ATXN1: variants seen among roughly 807,000 people sequenced by gnomAD.
The protein encoded by ATXN1 is ataxin-1.
In ATXN1, 8 loss-of-function variants were observed where a neutral mutation model predicts 56.4. The observed-to-expected ratio is 0.14, with a 90% CI of 0.08 to 0.26. The LOEUF (loss-of-function observed/expected upper bound fraction) is 0.26. Among genes scored for constraint, ATXN1 ranks in the 10% least tolerant of loss-of-function variants. ATXN1 has a pLI of 1.00. For synonymous variants in ATXN1, 514 were observed against 494.6 expected, an observed-to-expected ratio of 1.04 and a Z score of -0.52; for missense variants, 987 against 1,106.5, an observed-to-expected ratio of 0.89 and a Z score of 1.53.
At chr6:16,739,836 G>A (rs776597234) in intron 2 of ATXN1, 25 of 456,690 alleles carry the variant, frequency 5.5e-5, no homozygotes, top group South Asian at 1.9e-4. Flanking sequence ...CACTTTGAAC[G>A]GCAAAGACAC....
At chr6:16,435,077 A>C (rs1487997540) in intron 6 of ATXN1, among the ~76,000 whole-genome samples, 1 of 152,172 alleles carries the variant, frequency 6.6e-6, no homozygotes, top group Admixed American at 6.5e-5. Context: ...GAAATGCTTC[A>C]AGGAGGACTT....
chr6:16,567,044 A>G (rs1244491429), intron 4 of ATXN1, among the ~76,000 whole-genome samples: 1 of 152,220 alleles, frequency 6.6e-6, no homozygotes, highest in Non-Finnish European at 1.5e-5. Flanking sequence ...TCTACAGTTC[A>G]TAAAGTGCTT....
chr6:16,687,657 T>TACACACAC (rs57034032), intron 2 of ATXN1, among the ~76,000 whole-genome samples: 16,788 of 143,218 alleles, frequency 0.12, 1,097 homozygotes, highest in Middle Eastern at 0.14. Context: ...AAAGAAGAAA[T>TACACACAC]ACACACACAC....
At chr6:16,667,976 T>G (rs1181710559) in intron 2 of ATXN1, among the ~76,000 whole-genome samples, 1 of 152,216 alleles carries the variant, frequency 6.6e-6, no homozygotes, top group Non-Finnish European at 1.5e-5. Context: ...AAGGTGGGCT[T>G]ACCTATGTGC....
In ATXN1 at chr6:16,300,728, TACAAAC is replaced by T. The variant is rs1760064776; in HGVS notation, c.*5595_*5600del. 6.6e-6 allele frequency: 1 copy of T among 152,610 alleles called. No individual in the cohort carries two copies. 9.5% of individuals were successfully genotyped at this position (152,610 alleles called of 1,614,324 possible). On this transcript the variant is annotated 3_prime_UTR_variant, in exon 8 of 8. Transcript: ENST00000436367. ...TTGATTGGTAGCCTGGATCCCTTGT[TACAAAC>T]ACTTCGTGTTCAAGATTATATTCTT...
intron 4 of ATXN1, among the ~76,000 whole-genome samples, chr6:16,537,131 GATT>G (rs1417522658): frequency 3.3e-5 from 5 of 151,180 alleles, no homozygotes; most frequent in East Asian, 1.9e-4. Flanking sequence ...TCAAACATGA[GATT>G]ATTATTATCT....
chr6:16,679,054 G>C (rs1417092798), intron 2 of ATXN1, among the ~76,000 whole-genome samples: 2 of 151,866 alleles, frequency 1.3e-5, no homozygotes, highest in African/African-American at 4.8e-5. Context: ...AAAAAAGAAA[G>C]GAGTGATGGA....
chr6:16,736,962 G>A (rs1236504259), intron 2 of ATXN1: 1 of 152,200 alleles, frequency 6.6e-6, no homozygotes, highest in African/African-American at 2.4e-5. Flanking sequence ...ACAGAGACTG[G>A]TAAATAAAGA....
intron 2 of ATXN1, among the ~76,000 whole-genome samples, chr6:16,660,743 C>T (rs1028756273): frequency 1.3e-5 from 2 of 150,280 alleles, no homozygotes; most frequent in Non-Finnish European, 2.9e-5. Flanking sequence ...TTCAAAAATG[C>T]AACAATTAGA....
chr6:16,378,704 G>A (rs1279005412), intron 6 of ATXN1, among the ~76,000 whole-genome samples: 17 of 151,878 alleles, frequency 1.1e-4, no homozygotes, highest in African/African-American at 1.9e-4. Context: ...GACTACAGGT[G>A]CACACCACCA....
chr6:16,706,372 G>C (rs1193931759), intron 2 of ATXN1, among the ~76,000 whole-genome samples: 1 of 152,130 alleles, frequency 6.6e-6, no homozygotes, highest in Non-Finnish European at 1.5e-5. Context: ...AGAAATCTTT[G>C]TTGAATTAAT....
At chr6:16,502,645 T>C (rs1760906535) in intron 5 of ATXN1, among the ~76,000 whole-genome samples, 1 of 152,184 alleles carries the variant, frequency 6.6e-6, no homozygotes, top group Non-Finnish European at 1.5e-5. Context: ...AGAATCGGAA[T>C]TGTCAACCAG....
At chr6:16,446,769 A>T (rs1759644592) in intron 6 of ATXN1, among the ~76,000 whole-genome samples, 1 of 152,172 alleles carries the variant, frequency 6.6e-6, no homozygotes, top group Admixed American at 6.5e-5. Flanking sequence ...CAACAAGTAC[A>T]TAGTCTTAAA....
In ATXN1 at chr6:16,562,473, G is replaced by T. The variant is rs1297576853; in HGVS notation, c.-361+23307C>A. ...AAGAAAAGGAGAGGAGAGGAGAGGA[G>T]AGGAGAGGAGAGGAAAGGAAAGGAA... On this transcript the variant is annotated intron_variant, in intron 4 of 7. Transcript: ENST00000436367. Among the ~76,000 whole-genome samples, 6 of 107,894 alleles carry T rather than the reference G, an allele frequency of 5.6e-5. No individual in the cohort carries two copies. The East Asian group carries it at 1.2e-3, about 22-fold the overall frequency. 70.8% of individuals were successfully genotyped at this position (107,894 alleles called of 152,430 possible). A position where few individuals can be genotyped will look rare whatever the true frequency, so the allele number is the denominator to read the frequency against.
intron 6 of ATXN1, among the ~76,000 whole-genome samples, chr6:16,380,803 A>C (rs1391614979): frequency 6.6e-6 from 1 of 152,162 alleles, no homozygotes. Flanking sequence ...CCTGACCCCC[A>C]AAAAACTACC....
chr6:16,745,070 G>A (rs190269486), intron 2 of ATXN1, among the ~76,000 whole-genome samples: 1 of 152,256 alleles, frequency 6.6e-6, no homozygotes, highest in African/African-American at 2.4e-5. Context: ...ATCTCTGAGA[G>A]GGATCAAAGG....
At chr6:16,701,494 G>A (rs888866360) in intron 2 of ATXN1, among the ~76,000 whole-genome samples, 1 of 152,192 alleles carries the variant, frequency 6.6e-6, no homozygotes, top group Non-Finnish European at 1.5e-5. Flanking sequence ...GGGCAATCAG[G>A]CAGGAGAAGG....
rs373892889 is a variant in ATXN1, at chr6:16,704,978, C to T, written c.-614-47077G>A. On this transcript the variant is annotated intron_variant, in intron 2 of 7. Coordinates refer to ENST00000436367, the MANE Select transcript of ATXN1 (RefSeq NM_001128164.2). ...GCCCTACACCAGTGCTCTGCAGGCC[C>T]CCTTGCCTCCTCAGGCCTCACCTCT... Among the ~76,000 whole-genome samples the T allele has an allele frequency of 2.2e-4, 33 of 152,272 alleles. No homozygotes were observed. In the East Asian group the frequency reaches 3.3e-3, roughly 15 times the overall value.
intron 6 of ATXN1, among the ~76,000 whole-genome samples, chr6:16,372,057 TAC>T (rs2113491913): frequency 6.6e-6 from 1 of 152,366 alleles, no homozygotes; most frequent in African/African-American, 2.4e-5. Context: ...ATATTGTTGA[TAC>T]ACATTTTTAA....
Sources: allele counts gnomAD v4.1 joint callset (sites outside exome capture counted in the v4.1 genomes callset), GRCh38; gene constraint gnomAD v4.1.1; transcripts MANE v1.5; gene names NCBI Gene and HGNC (gene_info 2026-07-23, HGNC 2026-07-21).